Variants in GPC3 observed in about 807,000 individuals in gnomAD.
GPC3 encodes glypican-3.
A neutral mutation model predicts 34.4 loss-of-function variants in GPC3; 3 were observed. The observed-to-expected ratio is 0.09, with a 90% CI of 0.04 to 0.23. The LOEUF is 0.23. Among genes scored for constraint, GPC3 ranks in the 10% least tolerant of loss-of-function variants. The pLI, the probability that GPC3 is intolerant of heterozygous loss-of-function variation, is 1.00. For synonymous variants in GPC3, 177 were observed against 174.0 expected (o/e 1.02, Z -0.13); for missense variants, 351 against 445.6 (o/e 0.79, Z 1.91).
intron 2 of GPC3, among the ~76,000 whole-genome samples, chrX:133,923,140 A>C (rs2124616153): frequency 8.9e-6 from 1 of 111,773 alleles, no homozygotes; most frequent in South Asian, 3.8e-4. Context: ...GTACACACAC[A>C]CACACACACA....
At chrX:133,857,904 T>C (rs922178375) in intron 2 of GPC3, among the ~76,000 whole-genome samples, 5 of 111,888 alleles carry the variant, frequency 4.5e-5, no homozygotes, top group African/African-American at 6.5e-5. Flanking sequence ...AAAGTACTTA[T>C]AGATAAAGGG....
At chrX:133,594,877 T>C (rs1163085027) in intron 7 of GPC3, among the ~76,000 whole-genome samples, 1 of 109,537 alleles carries the variant, frequency 9.1e-6, no homozygotes, top group Non-Finnish European at 1.9e-5. Context: ...TTTTTTACCC[T>C]AATAAAAAAT....
intron 6 of GPC3, among the ~76,000 whole-genome samples, chrX:133,650,247 T>C (rs956803272): frequency 1.8e-5 from 2 of 111,256 alleles, no homozygotes; most frequent in African/African-American, 6.5e-5. Flanking sequence ...CCCTGATCTT[T>C]ATAGCTCTGA....
At chrX:133,605,410 ATTC>A (rs1439877837) in intron 6 of GPC3, among the ~76,000 whole-genome samples, 1 of 112,011 alleles carries the variant, frequency 8.9e-6, no homozygotes, top group Non-Finnish European at 1.9e-5. Context: ...AGTTCCATGT[ATTC>A]TTCTTTTCTA....
At chrX:133,618,086 CAA>C (rs200261731) in intron 6 of GPC3, among the ~76,000 whole-genome samples, 6,774 of 111,843 alleles carry the variant, frequency 0.061, 531 homozygotes, top group African/African-American at 0.21. Context: ...CTGAACACTT[CAA>C]AGAGTTGTAG....
At chrX:133,777,458 C>G (rs1170371714) in intron 2 of GPC3, among the ~76,000 whole-genome samples, 1 of 111,118 alleles carries the variant, frequency 9.0e-6, no homozygotes, top group African/African-American at 3.3e-5. Flanking sequence ...GACCCACAAC[C>G]TTGCCAACAT....
chrX:133,753,703 C>A lies in GPC3; in HGVS notation c.811G>T (p.Val271Phe). 8.3e-7 allele frequency: 1 copy of A among 1,211,079 alleles called. No homozygotes were observed. The highest frequency in any genetic ancestry group is 1.1e-6 in the Non-Finnish European group (1 of 894,793). The part of the protein sequence containing the change: ...YCSYCQGLMM[V>F]KPCGGYCNVV... ...TTGCAGTAACCGCCACAGGGTTTAA[C>A]CATCATCAGTCCCTGGCAGTAAGAG... Residue 271 changes from valine to phenylalanine, a missense_variant, in exon 3 of 8, where the codon GTT becomes TTT. Transcript: ENST00000370818.
chrX:133,783,324 T>C (rs1038982593), intron 2 of GPC3, among the ~76,000 whole-genome samples: 1 of 111,886 alleles, frequency 8.9e-6, no homozygotes, highest in Non-Finnish European at 1.9e-5. Context: ...TAAGATGAGA[T>C]GGAAAGTGTG....
rs746897153 is a variant in GPC3, at chrX:133,617,052, T to G, written c.1414-20453A>C. 4.5e-5 allele frequency among the ~76,000 whole-genome samples: 5 copies of G among 111,484 alleles called. No individual in the cohort carries two copies. The Admixed American group carries it at 4.8e-4, about 11-fold the overall frequency. On this transcript the variant is annotated intron_variant, in intron 6 of 7. Coordinates refer to ENST00000370818, the MANE Select transcript of GPC3 (RefSeq NM_004484.4). ...AATTCAATGGGGGAAAGAATGCTCT[T>G]TTTTAAAAAATAAAAATATTTGATT...
At chrX:133,846,850 G>C (rs916499328) in intron 2 of GPC3, among the ~76,000 whole-genome samples, 3 of 111,751 alleles carry the variant, frequency 2.7e-5, no homozygotes, top group African/African-American at 9.7e-5. Flanking sequence ...TGTATCAATT[G>C]AAACTTCATC....
At chrX:133,759,349 G>C (rs778773541) in intron 2 of GPC3, among the ~76,000 whole-genome samples, 96 of 111,663 alleles carry the variant, frequency 8.6e-4, no homozygotes, top group Middle Eastern at 9.2e-3. Context: ...GGCATGACCT[G>C]AATTCAAGAA....
intron 3 of GPC3, among the ~76,000 whole-genome samples, chrX:133,729,479 C>T (rs1278265962): frequency 8.9e-6 from 1 of 111,768 alleles, no homozygotes; most frequent in Non-Finnish European, 1.9e-5. Flanking sequence ...TTAATCTGTG[C>T]GATCATAATG....
rs190005789 is a variant in GPC3 at position 133,816,317 on chromosome X, A to T, written c.338-62141T>A. On this transcript the variant is annotated intron_variant, in intron 2 of 7. Coordinates refer to ENST00000370818, the MANE Select transcript of GPC3 (RefSeq NM_004484.4). ...GGATCCTCCTGCCTTGGTCTCCCAA[A>T]GTGCTAGGGTGACAGGTGTGAGCAA... 1.2e-4 allele frequency among the ~76,000 whole-genome samples: 14 copies of T among 112,055 alleles called. No homozygotes were observed. The East Asian group carries it at 3.9e-3, about 32-fold the overall frequency.
intron 5 of GPC3, among the ~76,000 whole-genome samples, chrX:133,675,042 G>A (rs1430581807): frequency 9.0e-6 from 1 of 111,643 alleles, no homozygotes; most frequent in Admixed American, 9.5e-5. Flanking sequence ...TCTCTTGTGT[G>A]GCATCTCTAG....
chrX:133,885,301 T>C (rs1233596355), intron 2 of GPC3, among the ~76,000 whole-genome samples: 4 of 111,957 alleles, frequency 3.6e-5, no homozygotes, highest in Non-Finnish European at 7.5e-5. Flanking sequence ...ATTCTTTTCA[T>C]ATGCTATCAG....
At chrX:133,678,765 C>A (rs1233239677) in intron 5 of GPC3, among the ~76,000 whole-genome samples, 2 of 111,780 alleles carry the variant, frequency 1.8e-5, no homozygotes, top group Non-Finnish European at 3.8e-5. Flanking sequence ...TTTCTTCATG[C>A]CTATAAATGA....
rs771648847 is a variant in GPC3 at position 133,599,688 on chromosome X, C to T, written c.1414-3089G>A. ...TTATGTCTTATGAGAAATTTGCTTT[C>T]GATATAAGCATTTTTATGTTAATTT... is the stretch of plus-strand genomic sequence containing the variant. On this transcript the variant is annotated intron_variant, in intron 6 of 7. Coordinates refer to ENST00000370818, the MANE Select transcript of GPC3 (RefSeq NM_004484.4). Among the ~76,000 whole-genome samples, 14 of 111,522 alleles carry T rather than the reference C, an allele frequency of 1.3e-4. No homozygotes were observed. In the South Asian group the frequency reaches 2.7e-3, roughly 21 times the overall value.
intron 2 of GPC3, among the ~76,000 whole-genome samples, chrX:133,868,774 G>GGGCC (rs1345912720): frequency 9.0e-6 from 1 of 111,035 alleles, no homozygotes; most frequent in Non-Finnish European, 1.9e-5. Flanking sequence ...CTCAATGGGC[G>GGGCC]GGCCTCCTCC....
At chrX:133,713,427 T>G (rs1324299717) in intron 3 of GPC3, among the ~76,000 whole-genome samples, 1 of 112,110 alleles carries the variant, frequency 8.9e-6, no homozygotes, top group Non-Finnish European at 1.9e-5. Context: ...AGAATATACT[T>G]GAAGAGGCAG....
Sources: allele counts gnomAD v4.1 joint callset (sites outside exome capture counted in the v4.1 genomes callset), GRCh38; gene constraint gnomAD v4.1.1; transcripts MANE v1.5; gene names NCBI Gene and HGNC (gene_info 2026-07-23, HGNC 2026-07-21).